The following LHCGR variants were observed in gnomAD, a reference collection of about 807,000 sequenced individuals.
LHCGR encodes the protein lutropin-choriogonadotropic hormone receptor.
LHCGR carries 55 observed loss-of-function variants against 60.7 expected under a neutral mutation model. That is an observed-to-expected ratio of 0.91 (90% CI 0.73 to 1.13). The LOEUF is 1.13. LHCGR is among the 50% of genes most tolerant of loss of function. LHCGR has a pLI of 0.00. For synonymous variants in LHCGR, 337 were observed against 316.5 expected (o/e 1.06, Z -0.69); for missense variants, 862 against 836.0 (o/e 1.03, Z -0.38).
chr2:48,724,448 C>A (rs970219185), intron 4 of LHCGR, among the ~76,000 whole-genome samples: 5 of 152,142 alleles, frequency 3.3e-5, no homozygotes, highest in Non-Finnish European at 1.5e-5. Flanking sequence ...GTCTGTCACC[C>A]TCGTGACAAT....
chr2:48,755,305 G>A (rs1670156998), intron 1 of LHCGR, among the ~76,000 whole-genome samples: 1 of 152,106 alleles, frequency 6.6e-6, no homozygotes, highest in Non-Finnish European at 1.5e-5. Context: ...GAATGGGGCT[G>A]GGGCTCTCAG....
chr2:48,711,080 C>T (rs529835708), intron 7 of LHCGR, among the ~76,000 whole-genome samples: 4 of 152,176 alleles, frequency 2.6e-5, no homozygotes, highest in African/African-American at 9.7e-5. Context: ...TTTTCCAGCT[C>T]AGGACCTTTG....
chr2:48,728,690 C>T (rs778428269), intron 3 of LHCGR, among the ~76,000 whole-genome samples: 10 of 152,112 alleles, frequency 6.6e-5, no homozygotes, highest in African/African-American at 2.4e-5. Context: ...ACAATAACAA[C>T]AACAAAACCC....
rs150085015 is a variant in LHCGR, at chr2:48,690,004, C to T, written c.948-1155G>A. 2.5e-4 allele frequency among the ~76,000 whole-genome samples: 38 copies of T among 152,342 alleles called. 1 individual carries two copies. The East Asian group carries it at 5.6e-3, about 22-fold the overall frequency. On this transcript the variant is annotated intron_variant, in intron 10 of 10. Coordinates refer to ENST00000294954, the MANE Select transcript of LHCGR (RefSeq NM_000233.4). Reference sequence around the variant, plus strand: ...CTGGCATTACAGGCATGAGCCACCACGCCCGGCCCAGGTTTTTGTCCTCTC... The same window carrying T: ...CTGGCATTACAGGCATGAGCCACCATGCCCGGCCCAGGTTTTTGTCCTCTC...
At chr2:48,715,137 T>G (rs1668187361) in intron 6 of LHCGR, among the ~76,000 whole-genome samples, 2 of 152,098 alleles carry the variant, frequency 1.3e-5, no homozygotes, top group South Asian at 4.2e-4. Flanking sequence ...CCCCCTACTT[T>G]CCCTATACTC....
At chr2:48,709,811 C>G (rs182553418) in intron 7 of LHCGR, among the ~76,000 whole-genome samples, 3 of 152,252 alleles carry the variant, frequency 2.0e-5, no homozygotes, top group Admixed American at 2.0e-4. Context: ...CTTTCTGGGC[C>G]CTGACACTGG....
intron 1 of LHCGR, chr2:48,733,160 G>T: frequency 2.9e-6 from 1 of 349,788 alleles, no homozygotes; most frequent in East Asian, 7.5e-5. Context: ...TCTGATTCCA[G>T]AATCTTTATT....
At position 48,723,674 on chromosome 2, in the gene LHCGR, T is replaced by G; in HGVS notation, c.406A>C (p.Arg136=). Residue 136 remains arginine, a synonymous_variant, in exon 5 of 11, where the codon AGA becomes CGA. Coordinates refer to ENST00000294954, the MANE Select transcript of LHCGR (RefSeq NM_000233.4). ...ACCTTCGTAACATCTGGAAACTTTC[T>G]GATGCCTGTGTTACAGATGCTCCTG... ...KYLSICNTGI[R]KFPDVTKVFS... is the part of the protein sequence containing the mutation. The G allele has an allele frequency of 6.2e-7, 1 of 1,613,676 alleles. No homozygotes were observed. Among genetic ancestry groups the G allele is most frequent in the Non-Finnish European group, 8.5e-7 (1 of 1,179,566 alleles).
intron 8 of LHCGR, among the ~76,000 whole-genome samples, chr2:48,706,895 G>A (rs115588884): frequency 0.11 from 16,834 of 152,130 alleles, 1,046 homozygotes; most frequent in Middle Eastern, 0.22. Context: ...ACTTCTGTCA[G>A]CTCATCAAAC....
intron 3 of LHCGR, among the ~76,000 whole-genome samples, chr2:48,728,285 C>G (rs1558870632): frequency 6.6e-6 from 1 of 152,112 alleles, no homozygotes; most frequent in Admixed American, 6.6e-5. Flanking sequence ...TAATTACCCC[C>G]ACTCTGCATG....
chr2:48,726,961 G>T (rs182123607), intron 3 of LHCGR, among the ~76,000 whole-genome samples: 27 of 152,318 alleles, frequency 1.8e-4, no homozygotes, highest in Middle Eastern at 6.8e-3. Context: ...TTTAGTGCTT[G>T]TTCCACCACA....
chr2:48,755,619 TGCAGCAGCAGCAGCAGCTTCA>T lies in LHCGR; in HGVS notation c.32_52del (p.Leu11_Leu17del), dbSNP rs745332851. 6.5e-7 allele frequency: 1 copy of T among 1,531,296 alleles called. No homozygotes were observed. Among genetic ancestry groups the T allele is most frequent in the Admixed American group, 2.0e-5 (1 of 50,824 alleles). The allele number at this position is 1,531,296 out of a possible 1,614,324, so 94.9% of individuals were successfully genotyped here. ...GCGCAGCGCTCGTGGCAGCGGCGGC[TGCAGCAGCAGCAGCAGCTTCA>T]GCAGCTGCAGCGCCGAGAACCGCTG... On this transcript the variant is annotated inframe_deletion, in exon 1 of 11. Coordinates refer to ENST00000294954, the MANE Select transcript of LHCGR (RefSeq NM_000233.4).
At chr2:48,722,889 T>C (rs1183618025) in intron 6 of LHCGR, among the ~76,000 whole-genome samples, 2 of 152,168 alleles carry the variant, frequency 1.3e-5, no homozygotes, top group African/African-American at 4.8e-5. Context: ...ATGAAAGGGA[T>C]AGCCTGGTAA....
intron 1 of LHCGR, among the ~76,000 whole-genome samples, chr2:48,734,165 A>G (rs1044911773): frequency 5.9e-5 from 9 of 152,194 alleles, no homozygotes; most frequent in Non-Finnish European, 1.2e-4. Flanking sequence ...ACCTAACTGA[A>G]TAGGAGAGCC....
chr2:48,701,965 C>T (rs1320527422), intron 8 of LHCGR, among the ~76,000 whole-genome samples: 1 of 152,162 alleles, frequency 6.6e-6, no homozygotes, highest in South Asian at 2.1e-4. Context: ...AGGGCAAGGA[C>T]CAGGGCTATT....
chr2:48,708,639 C>T, intron 8 of LHCGR: 3 of 505,306 alleles, frequency 5.9e-6, no homozygotes, highest in South Asian at 2.2e-5. Context: ...AAAGAACTAG[C>T]ACAAGCTAGG....
At chr2:48,702,263 CT>C (rs35628117) in intron 8 of LHCGR, among the ~76,000 whole-genome samples, 22,161 of 145,016 alleles carry the variant, frequency 0.15, 1,769 homozygotes, top group South Asian at 0.24. Flanking sequence ...TCTCATGTAT[CT>C]TTTTTTTTTT....
At chr2:48,713,032 G>C (rs1385311467) in intron 7 of LHCGR, among the ~76,000 whole-genome samples, 5 of 152,144 alleles carry the variant, frequency 3.3e-5, no homozygotes, top group Non-Finnish European at 5.9e-5. Context: ...CCCAACTTCA[G>C]ACTGACAGCA....
At chr2:48,696,935 C>T (rs1248807350) in intron 9 of LHCGR, among the ~76,000 whole-genome samples, 1 of 152,186 alleles carries the variant, frequency 6.6e-6, no homozygotes, top group Non-Finnish European at 1.5e-5. Context: ...ATTGTTCTCT[C>T]ACCAGCTTTG....
Sources: allele counts gnomAD v4.1 joint callset (sites outside exome capture counted in the v4.1 genomes callset), GRCh38; gene constraint gnomAD v4.1.1; transcripts MANE v1.5; gene names NCBI Gene and HGNC (gene_info 2026-07-23, HGNC 2026-07-21).